The following PRKAR1A variants were observed in gnomAD, a reference collection of about 807,000 sequenced individuals.
The protein encoded by PRKAR1A is cAMP-dependent protein kinase type I-alpha regulatory subunit.
In PRKAR1A, 3 loss-of-function variants were observed where a neutral mutation model predicts 52.0. The ratio of observed to expected loss-of-function variants is 0.06; its 90% CI spans 0.03 to 0.15. The LOEUF (loss-of-function observed/expected upper bound fraction) is 0.15, where lower values mean the gene tolerates loss of function less well. PRKAR1A is among the 10% of genes least tolerant of loss of function. The probability of loss-of-function intolerance (pLI) is 1.00; values close to 1 mark genes in which losing one functional copy is unlikely to be tolerated. For missense variants in PRKAR1A, 240 were observed against 477.4 expected (o/e 0.50, Z 4.63); for synonymous variants, 188 against 168.4 (o/e 1.12, Z -0.90).
chr17:68,481,025 C>T, the PRKAR1A span, among the ~76,000 whole-genome samples: 1 of 152,230 alleles, frequency 6.6e-6, no homozygotes, highest in Admixed American at 6.5e-5. Flanking sequence ...GCTTATCGGT[C>T]TAACAGTCAG....
chr17:68,422,111 A>G, the PRKAR1A span: 1 of 374,770 alleles, frequency 2.7e-6, no homozygotes, highest in South Asian at 3.3e-5. Context: ...ACTTGTAAAC[A>G]TGGACTGCTC....
chr17:68,525,900 A>G lies in PRKAR1A; in HGVS notation c.696A>G (p.Arg232=). Residue 232 remains arginine, a synonymous_variant, in exon 7 of 11, where the codon AGA becomes AGG. Transcript: ENST00000589228. Reference sequence around the variant, plus strand: ...GGGGCATCGACCGAGACAGCTATAGAAGAATCCTCATGGTAAGAGACCATG... The same window carrying G: ...GGGGCATCGACCGAGACAGCTATAGGAGAATCCTCATGGTAAGAGACCATG... ...KLWGIDRDSY[R]RILMGSTLRK... 2 of 1,613,920 alleles carry G rather than the reference A, an allele frequency of 1.2e-6. No individual in the cohort carries two copies. Among genetic ancestry groups the G allele is most frequent in the South Asian group, 1.1e-5 (1 of 91,078 alleles).
At chr17:68,507,766 C>T (rs1034023865), upstream of PRKAR1A, among the ~76,000 whole-genome samples, 3 of 151,760 alleles carry the variant, frequency 2.0e-5, no homozygotes, top group African/African-American at 4.8e-5. Context: ...GCCTCAAATC[C>T]ATGACAAAAG....
At chr17:68,543,585 T>C in intron 11 of PRKAR1A, 2 of 1,559,832 alleles carry the variant, frequency 1.3e-6, no homozygotes, top group East Asian at 2.2e-5. Context: ...TCCCAGAGGA[T>C]TGGTCCTTAT....
chr17:68,472,329 C>T, the PRKAR1A span, among the ~76,000 whole-genome samples: 1 of 152,178 alleles, frequency 6.6e-6, no homozygotes, highest in Non-Finnish European at 1.5e-5. Context: ...GTCCTCCCCA[C>T]ACTACCATTT....
chr17:68,516,178 TTTTTATTC>T (rs1206506256), intron 2 of PRKAR1A, among the ~76,000 whole-genome samples: 1 of 152,198 alleles, frequency 6.6e-6, no homozygotes, highest in African/African-American at 2.4e-5. Context: ...ATTAATCCAA[TTTTTATTC>T]TTTTTTGCTC....
At chr17:68,535,931 C>T (rs1568712432), downstream of PRKAR1A, 2 of 454,022 alleles carry the variant, frequency 4.4e-6, no homozygotes, top group Admixed American at 2.3e-5. Flanking sequence ...ATTTTGCTTA[C>T]TCTCTCTGAG....
chr17:68,426,261 TA>T, the PRKAR1A span: 183 of 934,888 alleles, frequency 2.0e-4, 23 homozygotes, highest in Non-Finnish European at 2.8e-4. Flanking sequence ...GGGGCTCAAA[TA>T]AAGGGCAAAG....
chr17:68,461,380 T>C, the PRKAR1A span, among the ~76,000 whole-genome samples: 1 of 152,128 alleles, frequency 6.6e-6, no homozygotes, highest in Non-Finnish European at 1.5e-5. This position sits in a 1 kb window ranked among gnomAD's most constrained non-coding sequence, Gnocchi z 4.6. Context: ...CTTATTTGTA[T>C]AACAATCAGG....
chr17:68,515,082 C>G, intron 1 of PRKAR1A: 1 of 368,200 alleles, frequency 2.7e-6, no homozygotes, highest in Non-Finnish European at 5.1e-6. Flanking sequence ...GAATGAAATT[C>G]CCTTAAGGGC....
chr17:68,531,322 T>C lies in PRKAR1A; in HGVS notation c.*873T>C. 4 of 1,066,108 alleles carry C rather than the reference T, an allele frequency of 3.8e-6. No individual in the cohort carries two copies. The highest frequency in any genetic ancestry group is 4.5e-6 in the Non-Finnish European group (4 of 879,578). 66.0% of individuals were successfully genotyped at this position (1,066,108 alleles called of 1,614,324 possible). A position where few individuals can be genotyped will look rare whatever the true frequency, so the allele number is the denominator to read the frequency against. On this transcript the variant is annotated 3_prime_UTR_variant, in exon 11 of 11. Transcript: ENST00000589228. ...TTCTTGGTTGTTAATTTAGAGCGTT[T>C]GGTTAAAGTATGTCCTTCAGCTGAC...
chr17:68,489,503 G>GTA, the PRKAR1A span, among the ~76,000 whole-genome samples: 2 of 141,728 alleles, frequency 1.4e-5, no homozygotes, highest in Admixed American at 7.3e-5. Flanking sequence ...TATATAGATA[G>GTA]TATATATATA....
At chr17:68,474,582 T>G in the PRKAR1A span, among the ~76,000 whole-genome samples, 1 of 152,094 alleles carries the variant, frequency 6.6e-6, no homozygotes, top group Non-Finnish European at 1.5e-5. Flanking sequence ...CTACAAGGAT[T>G]TCTCAATCAG....
At chr17:68,425,473 G>A in the PRKAR1A span, among the ~76,000 whole-genome samples, 7 of 148,812 alleles carry the variant, frequency 4.7e-5, no homozygotes, top group African/African-American at 1.7e-4. Context: ...CTCCAGCCTC[G>A]GCCTCCCAAA....
the PRKAR1A span, among the ~76,000 whole-genome samples, chr17:68,491,010 C>T: frequency 6.6e-6 from 1 of 152,128 alleles, no homozygotes; most frequent in Non-Finnish European, 1.5e-5. Context: ...TCTCCTGTGC[C>T]TGTGGCCTTG....
chr17:68,488,136 C>G, the PRKAR1A span, among the ~76,000 whole-genome samples: 1 of 151,948 alleles, frequency 6.6e-6, no homozygotes, highest in East Asian at 1.9e-4. Context: ...GGAAGTGGGG[C>G]AGTGAGCCCT....
chr17:68,509,252 T>C (rs1290736456), upstream of PRKAR1A, among the ~76,000 whole-genome samples: 1 of 152,158 alleles, frequency 6.6e-6, no homozygotes, highest in Non-Finnish European at 1.5e-5. Flanking sequence ...AGTGGTGCGA[T>C]CATGGCTCAC....
chr17:68,488,178 G>A, the PRKAR1A span, among the ~76,000 whole-genome samples: 2 of 152,122 alleles, frequency 1.3e-5, no homozygotes, highest in African/African-American at 4.8e-5. Flanking sequence ...TGTTTCAGGT[G>A]GAGGGAACAG....
chr17:68,459,850 A>ATT, the PRKAR1A span, among the ~76,000 whole-genome samples: 798 of 147,354 alleles, frequency 5.4e-3, 8 homozygotes, highest in African/African-American at 0.017. Flanking sequence ...TCAGGTTTTA[A>ATT]TTTTTTTTTT....
Sources: gnomAD v4.1 joint callset for allele counts (sites outside exome capture counted in the v4.1 genomes callset) on GRCh38, gnomAD v4.1.1 for gene constraint, Gnocchi (gnomAD v3.1) non-coding constraint, MANE v1.5 for transcripts, NCBI Gene and HGNC (gene_info 2026-07-23, HGNC 2026-07-21) for gene names.